Variants in ARID3A observed in about 807,000 individuals in gnomAD.
The protein encoded by ARID3A is AT-rich interactive domain-containing protein 3A.
In ARID3A, 11 loss-of-function variants were observed where a neutral mutation model predicts 52.7. The ratio of observed to expected loss-of-function variants is 0.21; its 90% CI spans 0.13 to 0.35. ARID3A has a LOEUF of 0.35. Ranked by LOEUF, ARID3A falls within the 10% of genes least tolerant of loss-of-function variation. The probability of loss-of-function intolerance (pLI) is 1.00; values close to 1 mark genes in which losing one functional copy is unlikely to be tolerated. For missense variants in ARID3A, 721 were observed against 838.5 expected, an observed-to-expected ratio of 0.86 and a Z score of 1.73; for synonymous variants, 404 against 359.4, an observed-to-expected ratio of 1.12 and a Z score of -1.40.
upstream of ARID3A, chr19:926,018 A>C (rs1227620536): frequency 6.8e-6 from 1 of 146,758 alleles, no homozygotes. Context: ...CCTCTTACCA[A>C]TCGGGCGGAG....
At position 929,632 on chromosome 19, in the gene ARID3A, C is replaced by A; in HGVS notation, c.104C>A (p.Pro35His). ...CTGCCCCCCGATCCCCCTGCTGCAC[C>A]CCCCGGCCGGGCCCGGGCTGCCCCC... ...QQLPPDPPAAPPGRARAAPDE... is the reference protein window; with the variant it reads ...QQLPPDPPAAHPGRARAAPDE... Residue 35 changes from proline (P) to histidine (H), a missense_variant, in exon 2 of 9, where the codon CCC (proline) becomes CAC (histidine). Physicochemically the swap from Pro to His is moderately conservative, Grantham distance 77. Around this residue, in one of 5 missense-constraint regions of ARID3A, gnomAD observed 349 missense variants for 297.3 expected, o/e 1.17. Transcript: ENST00000263620. This position sits in a 1 kb window ranked among gnomAD's most constrained non-coding sequence, Gnocchi z 6.2. 1.3e-6 allele frequency: 2 copies of A among 1,527,592 alleles called. No individual in the cohort carries two copies. Among genetic ancestry groups the A allele is most frequent in the South Asian group, 2.4e-5 (2 of 83,696 alleles). 94.6% of individuals were successfully genotyped at this position (1,527,592 alleles called of 1,614,324 possible).
intron 8 of ARID3A, among the ~76,000 whole-genome samples, chr19:971,406 G>T (rs1010616280): frequency 6.6e-6 from 1 of 152,190 alleles, no homozygotes; most frequent in African/African-American, 2.4e-5. Context: ...GAGGTCAGGA[G>T]TTGGAGACCA....
rs1342723677 is a variant in ARID3A, at chr19:938,023, T to A, written c.693+5281T>A. Among the ~76,000 whole-genome samples the A allele has an allele frequency of 3.3e-5, 5 of 152,036 alleles. No homozygotes were observed. The East Asian group carries it at 9.7e-4, about 29-fold the overall frequency. The stretch of plus-strand genomic sequence containing the variant: ...GCGCCCGGCTAATTTTTTGTATTTT[T>A]AGTAGAGACGGGGTTTCACCGTGTT... On this transcript the variant is annotated intron_variant, in intron 3 of 8. Transcript: ENST00000263620. The surrounding 1 kb of genome is among the most constrained non-coding windows in gnomAD (Gnocchi z 4.0).
At chr19:962,403 G>A (rs1236590737) in intron 4 of ARID3A, among the ~76,000 whole-genome samples, 1 of 151,558 alleles carries the variant, frequency 6.6e-6, no homozygotes, top group Non-Finnish European at 1.5e-5. Flanking sequence ...TCCTTATCTG[G>A]GCCCCACGAC....
At chr19:951,875 C>T (rs1231470927) in intron 3 of ARID3A, among the ~76,000 whole-genome samples, 1 of 152,134 alleles carries the variant, frequency 6.6e-6, no homozygotes, top group Non-Finnish European at 1.5e-5. Context: ...GTGGCTCATA[C>T]CCAGAATCCC....
Position 960,133 on chromosome 19 carries a change from G to A in ARID3A, c.735G>A (p.Leu245=), listed in dbSNP as rs745587090. The part of the protein sequence containing the change: ...LDGDPKRKEF[L]DDLFSFMQKR... ...GGGACCCCAAGAGGAAGGAATTCCT[G>A]GATGACTTGTTCAGCTTCATGCAGA... The change falls in exon 4 of 9, where the codon CTG becomes CTA. Residue 245 remains leucine (L), a synonymous_variant. Transcript: ENST00000263620. This position sits in a 1 kb window ranked among gnomAD's most constrained non-coding sequence, Gnocchi z 4.3. 6 of 1,613,088 alleles carry A rather than the reference G, an allele frequency of 3.7e-6. No individual in the cohort carries two copies. Among genetic ancestry groups the A allele is most frequent in the Non-Finnish European group, 5.1e-6 (6 of 1,179,474 alleles).
chr19:965,780 T>C (rs1199512164), intron 6 of ARID3A, among the ~76,000 whole-genome samples: 1 of 150,848 alleles, frequency 6.6e-6, no homozygotes, highest in African/African-American at 2.4e-5. Flanking sequence ...TCGCTTGAGG[T>C]CAGAAGTTTG....
chr19:934,038 A>G (rs1406220714), intron 3 of ARID3A, among the ~76,000 whole-genome samples: 3 of 152,124 alleles, frequency 2.0e-5, no homozygotes, highest in Admixed American at 2.0e-4. Context: ...GCATGCTGAG[A>G]GTGGATTCTC....
In ARID3A at chr19:929,426, G is replaced by C. The variant is rs957170964; in HGVS notation, c.-103G>C. 3.4e-6 allele frequency: 4 copies of C among 1,160,282 alleles called. No individual in the cohort carries two copies. The African/African-American group carries it at 5.1e-5, about 15-fold the overall frequency. The allele number at this position is 1,160,282 out of a possible 1,614,324, so 71.9% of individuals were successfully genotyped here. A position where few individuals can be genotyped will look rare whatever the true frequency, so the allele number is the denominator to read the frequency against. On this transcript the variant is annotated 5_prime_UTR_variant, in exon 2 of 9. Transcript: ENST00000263620. This position sits in a 1 kb window ranked among gnomAD's most constrained non-coding sequence, Gnocchi z 6.2. ...GCTCCCCCGCGGCCCCCACGCTGCAGTGCGGCCGGGCCCCCTCCCCGCAGG... is the reference window on the plus strand; with the variant it reads ...GCTCCCCCGCGGCCCCCACGCTGCACTGCGGCCGGGCCCCCTCCCCGCAGG...
intron 6 of ARID3A, among the ~76,000 whole-genome samples, chr19:966,153 T>C: frequency 7.1e-6 from 1 of 141,520 alleles, no homozygotes; most frequent in Non-Finnish European, 1.5e-5. Context: ...AGAGCGAGAC[T>C]CTGTCTCAAA....
At chr19:946,420 C>A (rs2037682136) in intron 3 of ARID3A, among the ~76,000 whole-genome samples, 1 of 150,156 alleles carries the variant, frequency 6.7e-6, no homozygotes, top group African/African-American at 2.5e-5. Context: ...CACCACCACG[C>A]CCGGCTAATT....
At chr19:970,737 T>C (rs2038261941) in intron 8 of ARID3A, among the ~76,000 whole-genome samples, 1 of 151,976 alleles carries the variant, frequency 6.6e-6, no homozygotes, top group Admixed American at 6.6e-5. Flanking sequence ...CCTCCCAAAG[T>C]GCTGGGATTA....
rs1301473893 is a variant in ARID3A, at chr19:941,367, C to T, written c.693+8625C>T. 6.6e-6 allele frequency among the ~76,000 whole-genome samples: 1 copy of T among 152,228 alleles called. No individual in the cohort carries two copies. The highest frequency in any genetic ancestry group is 1.5e-5 in the Non-Finnish European group (1 of 68,044). On this transcript the variant is annotated intron_variant, in intron 3 of 8. Coordinates refer to ENST00000263620, the MANE Select transcript of ARID3A (RefSeq NM_005224.3). The surrounding 1 kb of genome is among the most constrained non-coding windows in gnomAD (Gnocchi z 6.9). ...CGGACCCTCCAAGGCCTCTGCCCAC[C>T]GGGCACCTGCTGGATTCTGTGGGTC...
chr19:974,760 C>T lies in ARID3A; in HGVS notation c.*2695C>T, dbSNP rs867591901. The T allele has an allele frequency of 8.9e-5, 20 of 225,746 alleles. No individual in the cohort carries two copies. Among genetic ancestry groups the T allele is most frequent in the African/African-American group, 2.7e-4 (12 of 44,836 alleles). The allele number at this position is 225,746 out of a possible 1,614,324, so 14.0% of individuals were successfully genotyped here. A position where few individuals can be genotyped will look rare whatever the true frequency, so the allele number is the denominator to read the frequency against. On this transcript the variant is annotated 3_prime_UTR_variant, in exon 9 of 9. Coordinates refer to ENST00000263620, the MANE Select transcript of ARID3A (RefSeq NM_005224.3). ...CTGCGTGTGTGTGTCGGGAATCCTG[C>T]GTGTCGTGTCTGTGGGCGATCCGGC... is the stretch of plus-strand genomic sequence containing the variant.
chr19:962,385 C>T (rs535208559), intron 4 of ARID3A, among the ~76,000 whole-genome samples: 19 of 152,308 alleles, frequency 1.2e-4, no homozygotes, highest in Non-Finnish European at 1.9e-4. Context: ...TGACAACCTC[C>T]CCACCCTTCC....
intron 8 of ARID3A, 73 bp downstream of exon 8, chr19:968,576 C>T (rs529223975): frequency 1.4e-6 from 2 of 1,420,528 alleles, no homozygotes; most frequent in South Asian, 2.3e-5. Context: ...CCCTGAGTTG[C>T]GCCTGGTCCC....
At chr19:955,413 A>T (rs1194497514) in intron 3 of ARID3A, among the ~76,000 whole-genome samples, 2 of 152,162 alleles carry the variant, frequency 1.3e-5, no homozygotes, top group African/African-American at 4.8e-5. Flanking sequence ...CTTTACTGCC[A>T]CGCATCAGTG....
Position 932,565 on chromosome 19 carries a change from GTTC to G in ARID3A, c.517_519del (p.Phe173del). On this transcript the variant is annotated inframe_deletion, in exon 3 of 9. Coordinates refer to ENST00000263620, the MANE Select transcript of ARID3A (RefSeq NM_005224.3). ...CTGCCAGCTTGGGCACCACGGCACT[GTTC>G]CCCCGAAAGGCCCAGCCACCCCAGG... The G allele has an allele frequency of 6.6e-7, 1 of 1,505,938 alleles. No individual in the cohort carries two copies. The highest frequency in any genetic ancestry group is 8.8e-7 in the Non-Finnish European group (1 of 1,130,278). The allele number at this position is 1,505,938 out of a possible 1,614,324, so 93.3% of individuals were successfully genotyped here.
Position 964,184 on chromosome 19 carries a change from C to T in ARID3A, c.767-64C>T. Reference sequence around the variant, plus strand: ...CTCCTGGCATGGAGAGGGCGGAGGCCAGGACACTCGGCTCCCTGCAGTGCC... The same window carrying T: ...CTCCTGGCATGGAGAGGGCGGAGGCTAGGACACTCGGCTCCCTGCAGTGCC... On this transcript the variant is annotated intron_variant, in intron 4 of 8. Coordinates refer to ENST00000263620, the MANE Select transcript of ARID3A (RefSeq NM_005224.3). This position sits in a 1 kb window ranked among gnomAD's most constrained non-coding sequence, Gnocchi z 5.7. The T allele has an allele frequency of 4.2e-6, 6 of 1,428,580 alleles. No homozygotes were observed. The highest frequency in any genetic ancestry group is 3.9e-6 in the Non-Finnish European group (4 of 1,035,258). The allele number at this position is 1,428,580 out of a possible 1,614,324, so 88.5% of individuals were successfully genotyped here.
Sources: allele counts gnomAD v4.1 joint callset (sites outside exome capture counted in the v4.1 genomes callset), GRCh38; gene constraint gnomAD v4.1.1; regional missense constraint gnomAD v4.1.1; non-coding constraint Gnocchi (gnomAD v3.1); transcripts MANE v1.5; gene names NCBI Gene and HGNC (gene_info 2026-07-23, HGNC 2026-07-21).